DYNC1I1: variants seen among roughly 807,000 people sequenced by gnomAD.
The protein encoded by DYNC1I1 is dynein cytoplasmic 1 intermediate chain 1.
DYNC1I1 carries 43 observed loss-of-function variants against 86.6 expected under a neutral mutation model. The observed-to-expected ratio is 0.50, with a 90% CI of 0.39 to 0.64. The LOEUF (loss-of-function observed/expected upper bound fraction) is 0.64. Among genes scored for constraint, DYNC1I1 ranks in the 30% least tolerant of loss-of-function variants. The pLI, the probability that DYNC1I1 is intolerant of heterozygous loss-of-function variation, is 0.00. For missense variants in DYNC1I1, 604 were observed against 788.8 expected (o/e 0.77, Z 2.81); for synonymous variants, 262 against 283.7 (o/e 0.92, Z 0.77).
At chr7:96,014,107 C>A (rs1794345498) in intron 10 of DYNC1I1, among the ~76,000 whole-genome samples, 1 of 152,122 alleles carries the variant, frequency 6.6e-6, no homozygotes, top group Non-Finnish European at 1.5e-5. Flanking sequence ...ACATTCAAAT[C>A]ATTTTTTACT....
intron 1 of DYNC1I1, among the ~76,000 whole-genome samples, chr7:95,773,511 C>G (rs1793763117): frequency 6.6e-6 from 1 of 152,124 alleles, no homozygotes; most frequent in Admixed American, 6.5e-5. Flanking sequence ...AGTCTCATGA[C>G]TTGTACCTTG....
At chr7:95,885,772 C>A (rs1156403880) in intron 6 of DYNC1I1, among the ~76,000 whole-genome samples, 7 of 152,188 alleles carry the variant, frequency 4.6e-5, no homozygotes, top group Non-Finnish European at 1.0e-4. Context: ...CAGATGTAAG[C>A]CACTGTGCCT....
intron 1 of DYNC1I1, among the ~76,000 whole-genome samples, chr7:95,801,037 C>G (rs1045330498): frequency 6.6e-6 from 1 of 152,242 alleles, no homozygotes; most frequent in Non-Finnish European, 1.5e-5. Flanking sequence ...CGTTCATTCA[C>G]TATAATGTAT....
At chr7:96,094,345 G>GGATTAA (rs1790935389) in intron 16 of DYNC1I1, among the ~76,000 whole-genome samples, 1 of 152,150 alleles carries the variant, frequency 6.6e-6, no homozygotes, top group Non-Finnish European at 1.5e-5. Context: ...TTAAGATAGT[G>GGATTAA]TTGGATTAAA....
intron 5 of DYNC1I1, among the ~76,000 whole-genome samples, chr7:95,848,191 G>C (rs1734860971): frequency 1.4e-5 from 2 of 147,314 alleles, no homozygotes; most frequent in African/African-American, 5.0e-5. Context: ...ATTTACACTG[G>C]TGTTTGACTT....
chr7:96,049,257 CAAA>C (rs200677000), intron 14 of DYNC1I1, among the ~76,000 whole-genome samples: 79 of 76,004 alleles, frequency 1.0e-3, no homozygotes, highest in East Asian at 2.2e-3. Flanking sequence ...GACTCCATCT[CAAA>C]AAAAAAAAAA....
intron 6 of DYNC1I1, among the ~76,000 whole-genome samples, chr7:95,891,636 A>AT (rs1159263530): frequency 6.6e-6 from 1 of 152,190 alleles, no homozygotes; most frequent in Admixed American, 6.5e-5. Flanking sequence ...GAGAGTTTTA[A>AT]TGTTCTTGCA....
intron 6 of DYNC1I1, among the ~76,000 whole-genome samples, chr7:95,904,684 C>T (rs1791129677): frequency 1.3e-5 from 2 of 151,946 alleles, no homozygotes; most frequent in South Asian, 4.1e-4. Flanking sequence ...TATATATATA[C>T]AGACATCCCA....
At chr7:95,939,989 C>A (rs1271345320) in intron 6 of DYNC1I1, among the ~76,000 whole-genome samples, 2 of 152,142 alleles carry the variant, frequency 1.3e-5, no homozygotes, top group Admixed American at 1.3e-4. Flanking sequence ...TTAGGGCAGG[C>A]CTGGTGGTGA....
chr7:95,818,625 C>CG, intron 4 of DYNC1I1: 1 of 546,848 alleles, frequency 1.8e-6, no homozygotes, highest in South Asian at 2.8e-5. Flanking sequence ...AGATTACAGG[C>CG]AGGACCCATT....
intron 10 of DYNC1I1, among the ~76,000 whole-genome samples, chr7:96,005,690 A>G (rs890625721): frequency 6.6e-6 from 1 of 152,216 alleles, no homozygotes; most frequent in African/African-American, 2.4e-5. Flanking sequence ...TCCTACCAGC[A>G]GCATAAATGA....
At chr7:96,028,464 G>T in intron 11 of DYNC1I1, 143 bp downstream of exon 11, 7 of 1,172,856 alleles carry the variant, frequency 6.0e-6, no homozygotes, top group Non-Finnish European at 6.8e-6. Flanking sequence ...CCAGCTAAAA[G>T]TTGAGTGAAA....
At chr7:95,870,110 C>A in intron 6 of DYNC1I1, 112 bp downstream of exon 6, 1 of 887,124 alleles carries the variant, frequency 1.1e-6, no homozygotes, top group Non-Finnish European at 1.6e-6. Flanking sequence ...GGGATACAAA[C>A]ATAATGACAC....
At chr7:95,797,606 T>A (rs767028275) in intron 1 of DYNC1I1, among the ~76,000 whole-genome samples, 53 of 152,230 alleles carry the variant, frequency 3.5e-4, no homozygotes, top group Non-Finnish European at 6.6e-4. Context: ...GATTCAACGT[T>A]TAGGATAGAC....
intron 6 of DYNC1I1, among the ~76,000 whole-genome samples, chr7:95,907,090 A>G (rs1373539471): frequency 6.6e-6 from 1 of 152,172 alleles, no homozygotes; most frequent in Non-Finnish European, 1.5e-5. Context: ...CCTTACCGAG[A>G]GCTGCTTGCA....
In DYNC1I1 at chr7:95,804,603, C is replaced by T. The variant is rs553372806; in HGVS notation, c.-9-118C>T. On this transcript the variant is annotated intron_variant, in intron 1 of 16. Transcript: ENST00000447467. ...TCACATAGGCTAAATAATACAACCT[C>T]TTGTTGATCATCCAAAAGTCACATT... The T allele has an allele frequency of 1.3e-3, 1,564 of 1,159,600 alleles. 2 individuals are homozygous for T. The highest frequency in any genetic ancestry group is 1.7e-3 in the Non-Finnish European group (1,430 of 856,854). The allele number at this position is 1,159,600 out of a possible 1,614,324, so 71.8% of individuals were successfully genotyped here.
intron 9 of DYNC1I1, among the ~76,000 whole-genome samples, chr7:95,993,871 A>G (rs1267396736): frequency 2.0e-5 from 3 of 152,240 alleles, no homozygotes; most frequent in Admixed American, 1.3e-4. Flanking sequence ...AATTATAAGA[A>G]GAGAGTGATA....
intron 6 of DYNC1I1, among the ~76,000 whole-genome samples, chr7:95,901,858 A>G (rs969604142): frequency 6.6e-6 from 1 of 152,230 alleles, no homozygotes; most frequent in African/African-American, 2.4e-5. Context: ...TTCTGAATAC[A>G]TAACAGAAAT....
intron 14 of DYNC1I1, among the ~76,000 whole-genome samples, chr7:96,058,372 A>C (rs1431866629): frequency 2.0e-5 from 3 of 152,216 alleles, no homozygotes; most frequent in Admixed American, 6.5e-5. Context: ...TTGTGTAATC[A>C]ATAGAACTTC....
Sources: allele counts gnomAD v4.1 joint callset (sites outside exome capture counted in the v4.1 genomes callset), GRCh38; gene constraint gnomAD v4.1.1; transcripts MANE v1.5; gene names NCBI Gene and HGNC (gene_info 2026-07-23, HGNC 2026-07-21).